The following PRKG1 variants were observed in gnomAD, a reference collection of about 807,000 sequenced individuals.
PRKG1 encodes cGMP-dependent protein kinase 1.
PRKG1 carries 35 observed loss-of-function variants against 88.1 expected under a neutral mutation model. The ratio of observed to expected loss-of-function variants is 0.40; its 90% confidence interval spans 0.30 to 0.53. The LOEUF is 0.53. Ranked by LOEUF, PRKG1 falls within the 20% of genes least tolerant of loss-of-function variation. The pLI is 0.59. For synonymous variants in PRKG1, 303 were observed against 292.5 expected (o/e 1.04, Z -0.37); for missense variants, 540 against 839.8 (o/e 0.64, Z 4.41).
At chr10:52,250,854 G>A (rs1841152479) in intron 9 of PRKG1, among the ~76,000 whole-genome samples, 1 of 152,092 alleles carries the variant, frequency 6.6e-6, no homozygotes, top group Admixed American at 6.6e-5. Context: ...TTTTGGAATA[G>A]CAGTCCATGC....
chr10:52,239,489 A>T (rs190321084), intron 9 of PRKG1, among the ~76,000 whole-genome samples: 5 of 145,488 alleles, frequency 3.4e-5, no homozygotes, highest in African/African-American at 1.0e-4. Context: ...ATGAGGAAAA[A>T]AATAAAAATA....
At chr10:51,044,288 A>G (rs974078113) in intron 1 of PRKG1, among the ~76,000 whole-genome samples, 1 of 152,116 alleles carries the variant, frequency 6.6e-6, no homozygotes, top group Non-Finnish European at 1.5e-5. Flanking sequence ...TGTGAAGGCC[A>G]TGGGGATGAG....
At chr10:52,283,491 A>G (rs2132451523) in intron 14 of PRKG1, among the ~76,000 whole-genome samples, 1 of 152,238 alleles carries the variant, frequency 6.6e-6, no homozygotes, top group South Asian at 2.1e-4. Context: ...CATGAATGTT[A>G]GCAGCTGCTA....
At chr10:51,962,245 G>A (rs1426494185) in intron 5 of PRKG1, among the ~76,000 whole-genome samples, 1 of 152,120 alleles carries the variant, frequency 6.6e-6, no homozygotes, top group Non-Finnish European at 1.5e-5. Flanking sequence ...CAAATTCTGG[G>A]AGCTTTGTCA....
chr10:52,178,037 T>C (rs774038515), intron 9 of PRKG1, among the ~76,000 whole-genome samples: 22 of 151,894 alleles, frequency 1.4e-4, no homozygotes, highest in Middle Eastern at 6.8e-3. Flanking sequence ...TTCTACTAAT[T>C]TGGGGTTTGG....
chr10:50,991,352 A>T lies in PRKG1; in HGVS notation c.-27A>T. 1 of 1,482,674 alleles carries T rather than the reference A, an allele frequency of 6.7e-7. No homozygotes were observed. Among genetic ancestry groups the T allele is most frequent in the Non-Finnish European group, 9.0e-7 (1 of 1,114,982 alleles). 91.8% of individuals were successfully genotyped at this position (1,482,674 alleles called of 1,614,324 possible). A position where few individuals can be genotyped will look rare whatever the true frequency, so the allele number is the denominator to read the frequency against. ...CCGCCGCCGCCGCCGCCCGAGAAAA[A>T]GTTTCGCGGAGGGGCTCAGTGAAAA... On this transcript the variant is annotated 5_prime_UTR_variant, in exon 1 of 18. Coordinates refer to the PRKG1 transcript ENST00000401604. This position sits in a 1 kb window ranked among gnomAD's most constrained non-coding sequence, Gnocchi z 4.5.
At chr10:51,457,965 G>C (rs1839634550) in intron 2 of PRKG1, among the ~76,000 whole-genome samples, 1 of 152,066 alleles carries the variant, frequency 6.6e-6, no homozygotes, top group Admixed American at 6.6e-5. Context: ...TTGTATAATT[G>C]CTTTTGAGAA....
chr10:51,034,668 T>TTTATTTATATA (rs9299454), intron 1 of PRKG1, among the ~76,000 whole-genome samples: 1 of 68,188 alleles, frequency 1.5e-5, no homozygotes, highest in Non-Finnish European at 2.7e-5. Context: ...AATATGTTAT[T>TTTATTTATATA]TATATATATA....
At chr10:52,027,876 C>T (rs1421296558) in intron 5 of PRKG1, among the ~76,000 whole-genome samples, 1 of 152,116 alleles carries the variant, frequency 6.6e-6, no homozygotes, top group Non-Finnish European at 1.5e-5. Context: ...TCAACCTCCA[C>T]CTCCTGGATT....
At chr10:51,409,853 A>AAAAC (rs1243048020) in intron 2 of PRKG1, among the ~76,000 whole-genome samples, 1 of 149,670 alleles carries the variant, frequency 6.7e-6, no homozygotes, top group Non-Finnish European at 1.5e-5. Flanking sequence ...ACTCTGTCAA[A>AAAAC]AAAAAAAAAA....
chr10:51,355,188 C>G (rs2132574464), intron 2 of PRKG1, among the ~76,000 whole-genome samples: 1 of 152,116 alleles, frequency 6.6e-6, no homozygotes, highest in East Asian at 1.9e-4. Flanking sequence ...TAAAGGATAG[C>G]TTTATTACTA....
At chr10:51,596,853 A>T (rs1838461895) in intron 3 of PRKG1, among the ~76,000 whole-genome samples, 1 of 152,188 alleles carries the variant, frequency 6.6e-6, no homozygotes, top group South Asian at 2.1e-4. Context: ...GGCCTATTCA[A>T]GCTGAAATAA....
chr10:51,263,839 T>C (rs1839775708), intron 2 of PRKG1, among the ~76,000 whole-genome samples: 1 of 152,198 alleles, frequency 6.6e-6, no homozygotes, highest in Admixed American at 6.5e-5. Context: ...AGTTAGAGGT[T>C]ATTAGAATGA....
intron 2 of PRKG1, among the ~76,000 whole-genome samples, chr10:51,184,403 A>G (rs1210679182): frequency 6.6e-6 from 1 of 152,194 alleles, no homozygotes; most frequent in South Asian, 2.1e-4. Flanking sequence ...TTTTTGTTCC[A>G]TTACCAAAGT....
intron 2 of PRKG1, among the ~76,000 whole-genome samples, chr10:51,157,842 A>C (rs1846253052): frequency 6.9e-6 from 1 of 144,896 alleles, no homozygotes; most frequent in Non-Finnish European, 1.5e-5. Flanking sequence ...TTTGCATTTC[A>C]AATTTTATTT....
At chr10:51,628,593 T>C (rs1481429562) in intron 3 of PRKG1, among the ~76,000 whole-genome samples, 1 of 152,232 alleles carries the variant, frequency 6.6e-6, no homozygotes, top group Non-Finnish European at 1.5e-5. Flanking sequence ...ATTTCTTTTC[T>C]CCATTTAGTT....
intron 3 of PRKG1, among the ~76,000 whole-genome samples, chr10:51,530,972 C>G (rs967045794): frequency 2.4e-4 from 36 of 152,070 alleles, no homozygotes; most frequent in African/African-American, 8.7e-4. Flanking sequence ...TCTGTCCTGC[C>G]AGATCTCTCC....
chr10:51,596,560 T>G (rs1838454197), intron 3 of PRKG1, among the ~76,000 whole-genome samples: 1 of 152,178 alleles, frequency 6.6e-6, no homozygotes, highest in South Asian at 2.1e-4. Context: ...AACAGCTCAG[T>G]CCTGCCTTTG....
At chr10:51,935,023 T>C (rs923389040) in intron 5 of PRKG1, among the ~76,000 whole-genome samples, 2 of 152,062 alleles carry the variant, frequency 1.3e-5, no homozygotes, top group African/African-American at 2.4e-5. Context: ...GTTCCGGCAA[T>C]GGGAACTGGT....
Sources: allele counts gnomAD v4.1 joint callset (sites outside exome capture counted in the v4.1 genomes callset), GRCh38; gene constraint gnomAD v4.1.1; non-coding constraint Gnocchi (gnomAD v3.1); transcripts MANE v1.5; gene names NCBI Gene and HGNC (gene_info 2026-07-23, HGNC 2026-07-21).